The following C1QL4 variants were observed in gnomAD, a reference collection of about 807,000 sequenced individuals.
C1QL4 encodes complement C1q-like protein 4.
In C1QL4, 5 loss-of-function variants were observed where a neutral mutation model predicts 13.4. The ratio of observed to expected loss-of-function variants is 0.37; its 90% confidence interval spans 0.19 to 0.78. C1QL4 has a LOEUF of 0.78. Ranked by LOEUF, C1QL4 falls within the 30% of genes least tolerant of loss-of-function variation. The probability of loss-of-function intolerance (pLI) is 0.47; values close to 1 mark genes in which losing one functional copy is unlikely to be tolerated. For synonymous variants in C1QL4, 168 were observed against 153.9 expected (o/e 1.09, Z -0.68); for missense variants, 367 against 361.6 (o/e 1.01, Z -0.12).
intron 1 of C1QL4, among the ~76,000 whole-genome samples, chr12:49,334,198 T>TAAATA (rs1323125406): frequency 6.6e-6 from 1 of 152,076 alleles, no homozygotes; most frequent in East Asian, 1.9e-4. Context: ...TCTCAAAAAA[T>TAAATA]AAATAAAATA....
At chr12:49,335,812 G>C (rs758107364) in intron 1 of C1QL4, 129 bp downstream of exon 1, 11 of 1,196,478 alleles carry the variant, frequency 9.2e-6, no homozygotes, top group African/African-American at 1.5e-5. Context: ...GTCATCTATC[G>C]TTCTTGGCAG....
intron 1 of C1QL4, among the ~76,000 whole-genome samples, chr12:49,334,361 C>T (rs1006509701): frequency 2.0e-5 from 3 of 152,146 alleles, no homozygotes; most frequent in Non-Finnish European, 4.4e-5. Flanking sequence ...TGCACTGTTG[C>T]GCTCTCGCCT....
chr12:49,336,700 CGCTCCCCAA>C lies in C1QL4; in HGVS notation c.-232_-224del. ...CTGCGGGCTCCAGCCGCGGCGGTGC[CGCTCCCCAA>C]GCCGTCCGTCAAGGGGAGGCCCCTC... On this transcript the variant is annotated 5_prime_UTR_variant, in exon 1 of 2. Coordinates refer to ENST00000334221, the MANE Select transcript of C1QL4 (RefSeq NM_001008223.2). This position sits in a 1 kb window ranked among gnomAD's most constrained non-coding sequence, Gnocchi z 7.7. The C allele has an allele frequency of 2.0e-6, 1 of 507,518 alleles. No homozygotes were observed. The highest frequency in any genetic ancestry group is 3.3e-6 in the Non-Finnish European group (1 of 301,498). 31.4% of individuals were successfully genotyped at this position (507,518 alleles called of 1,614,324 possible).
In C1QL4 at chr12:49,332,934, C is replaced by A; in HGVS notation, c.*120G>T. On this transcript the variant is annotated 3_prime_UTR_variant, in exon 2 of 2. Transcript: ENST00000334221. ...CGCCCATTTAGGCCGCCTCCGGGAA[C>A]GGAAGGGTCCACCCCACCGCCAGGC... The A allele has an allele frequency of 9.2e-7, 1 of 1,091,252 alleles. No individual in the cohort carries two copies. Among genetic ancestry groups the A allele is most frequent in the South Asian group, 1.6e-5 (1 of 61,088 alleles). The allele number at this position is 1,091,252 out of a possible 1,614,324, so 67.6% of individuals were successfully genotyped here.
Position 49,336,415 on chromosome 12 carries a change from G to A in C1QL4, c.63C>T (p.His21=). The change falls in exon 1 of 2, where the codon CAC becomes CAT. Residue 21 remains histidine (H), a synonymous_variant. Transcript: ENST00000334221. This position sits in a 1 kb window ranked among gnomAD's most constrained non-coding sequence, Gnocchi z 7.7. The part of the protein sequence containing the change: ...LLVHSSRGPA[H]YEMLGRCRMV... The stretch of plus-strand genomic sequence containing the variant: ...TGCGGCAGCGACCCAGCATCTCGTA[G>A]TGCGCTGGCCCGCGGGAGCTGTGCA... 6.5e-7 allele frequency: 1 copy of A among 1,543,924 alleles called. No homozygotes were observed. The highest frequency in any genetic ancestry group is 8.6e-7 in the Non-Finnish European group (1 of 1,159,078).
At chr12:49,334,481 G>C (rs897521042) in intron 1 of C1QL4, among the ~76,000 whole-genome samples, 1 of 152,194 alleles carries the variant, frequency 6.6e-6, no homozygotes, top group African/African-American at 2.4e-5. Flanking sequence ...CGGTCGCTTC[G>C]GGCCTTCAGC....
rs1352919905 is a variant in C1QL4, at chr12:49,336,700, C to G, written c.-223G>C. On this transcript the variant is annotated 5_prime_UTR_variant, in exon 1 of 2. Coordinates refer to ENST00000334221, the MANE Select transcript of C1QL4 (RefSeq NM_001008223.2). The surrounding 1 kb of genome is among the most constrained non-coding windows in gnomAD (Gnocchi z 7.7). ...CTGCGGGCTCCAGCCGCGGCGGTGC[C>G]GCTCCCCAAGCCGTCCGTCAAGGGG... The G allele has an allele frequency of 3.9e-6, 2 of 507,518 alleles. No individual in the cohort carries two copies. The highest frequency in any genetic ancestry group is 2.0e-5 in the African/African-American group (1 of 49,432). The allele number at this position is 507,518 out of a possible 1,614,324, so 31.4% of individuals were successfully genotyped here. A position where few individuals can be genotyped will look rare whatever the true frequency, so the allele number is the denominator to read the frequency against.
chr12:49,336,454 G>T lies in C1QL4; in HGVS notation c.24C>A (p.Ala8=). The T allele has an allele frequency of 6.5e-7, 1 of 1,548,714 alleles. No homozygotes were observed. The change falls in exon 1 of 2, where the codon GCC becomes GCA. Residue 8 remains alanine, a synonymous_variant. Transcript: ENST00000334221. The surrounding 1 kb of genome is among the most constrained non-coding windows in gnomAD (Gnocchi z 7.7). MVLLLLV[A]IPLLVHSSRG... The stretch of plus-strand genomic sequence containing the variant: ...GGGAGCTGTGCACCAGCAGCGGGAT[G>T]GCCACCAGCAGCAGCAGCACCATGG...
Position 49,336,560 on chromosome 12 carries a change from T to C in C1QL4, c.-83A>G. 2 of 1,356,896 alleles carry C rather than the reference T, an allele frequency of 1.5e-6. No individual in the cohort carries two copies. Among genetic ancestry groups the C allele is most frequent in the Non-Finnish European group, 1.9e-6 (2 of 1,054,906 alleles). The allele number at this position is 1,356,896 out of a possible 1,614,324, so 84.1% of individuals were successfully genotyped here. A position where few individuals can be genotyped will look rare whatever the true frequency, so the allele number is the denominator to read the frequency against. On this transcript the variant is annotated 5_prime_UTR_variant, in exon 1 of 2. Coordinates refer to ENST00000334221, the MANE Select transcript of C1QL4 (RefSeq NM_001008223.2). The surrounding 1 kb of genome is among the most constrained non-coding windows in gnomAD (Gnocchi z 7.7). ...CAGGGCCAGCAAATCTTCCTCACTC[T>C]TGGGCGCAATGGCTGCCGGGGCCGG... is the stretch of plus-strand genomic sequence containing the variant.
chr12:49,333,301 TGGGCGTGCGA>T, intron 1 of C1QL4, 68 bp from the exon 2 acceptor site: 1 of 1,511,328 alleles, frequency 6.6e-7, no homozygotes, highest in Non-Finnish European at 8.9e-7. Context: ...TCGGGGCGGC[TGGGCGTGCGA>T]AGGCGGCCGG....
chr12:49,334,569 C>G (rs150943630), intron 1 of C1QL4, among the ~76,000 whole-genome samples: 1 of 152,138 alleles, frequency 6.6e-6, no homozygotes, highest in African/African-American at 2.4e-5. Context: ...CACTATTTAC[C>G]GTCCCCAGGG....
chr12:49,336,365 C>T lies in C1QL4; in HGVS notation c.113G>A (p.Arg38His), dbSNP rs1311415289. The T allele has an allele frequency of 2.1e-6, 3 of 1,453,406 alleles. No individual in the cohort carries two copies. Among genetic ancestry groups the T allele is most frequent in the South Asian group, 1.4e-5 (1 of 70,030 alleles). The allele number at this position is 1,453,406 out of a possible 1,614,324, so 90.0% of individuals were successfully genotyped here. The change falls in exon 1 of 2, where the codon CGT (arginine) becomes CAT (histidine). Residue 38 changes from arginine (R) to histidine (H), a missense_variant. Coordinates refer to ENST00000334221, the MANE Select transcript of C1QL4 (RefSeq NM_001008223.2). This position sits in a 1 kb window ranked among gnomAD's most constrained non-coding sequence, Gnocchi z 7.7. ...AGGCGCGCCGTCGGGACCAGGGCCA[C>T]GGGGCCCATGCGGGTCGCACACCAT... ...CRMVCDPHGP[R>H]GPGPDGAPAS... is the part of the protein sequence containing the mutation.
intron 1 of C1QL4, among the ~76,000 whole-genome samples, chr12:49,334,769 C>T (rs1456657869): frequency 2.6e-5 from 4 of 152,182 alleles, no homozygotes; most frequent in Admixed American, 6.5e-5. Flanking sequence ...TCCGCACTCA[C>T]ACACACTCCC....
Position 49,333,217 on chromosome 12 carries a change from A to C in C1QL4, c.554T>G (p.Ile185Ser). The change falls in exon 2 of 2, where the codon ATT becomes AGT. Residue 185 changes from isoleucine to serine, a missense_variant. Coordinates refer to ENST00000334221, the MANE Select transcript of C1QL4 (RefSeq NM_001008223.2). Reference protein sequence around the residue: ...MKNGQVRASAIAQDADQNYDY... With the variant: ...MKNGQVRASASAQDADQNYDY... ...GTAGTTCTGGTCCGCGTCCTGAGCA[A>C]TGGCGCTGGCCCGGACCTATCGAGG... 2 of 1,613,888 alleles carry C rather than the reference A, an allele frequency of 1.2e-6. No homozygotes were observed. The highest frequency in any genetic ancestry group is 1.7e-6 in the Non-Finnish European group (2 of 1,179,906).
rs1262824118 is a variant in C1QL4 at position 49,332,564 on chromosome 12, G to C, written c.*490C>G. 1 of 162,680 alleles carries C rather than the reference G, an allele frequency of 6.1e-6. No homozygotes were observed. The highest frequency in any genetic ancestry group is 1.4e-5 in the Non-Finnish European group (1 of 73,468). 10.1% of individuals were successfully genotyped at this position (162,680 alleles called of 1,614,324 possible). A position where few individuals can be genotyped will look rare whatever the true frequency, so the allele number is the denominator to read the frequency against. On this transcript the variant is annotated 3_prime_UTR_variant, in exon 2 of 2. Transcript: ENST00000334221. ...TCACAGGAAGGCTGCCAAGGCTGGA[G>C]CCTGAGCCTGAAAGTGGAGACGAGG...
intron 1 of C1QL4, among the ~76,000 whole-genome samples, chr12:49,334,833 C>T (rs532905793): frequency 1.3e-4 from 20 of 152,312 alleles, no homozygotes; most frequent in South Asian, 4.2e-4. Context: ...ACTCCCTTTC[C>T]CCGGGTTCCT....
chr12:49,335,858 G>T (rs968615925), intron 1 of C1QL4, 83 bp downstream of exon 1: 2 of 1,477,018 alleles, frequency 1.4e-6, no homozygotes, highest in East Asian at 2.5e-5. Flanking sequence ...CTGTTTCGGG[G>T]AATAATCTCA....
Position 49,333,001 on chromosome 12 carries a change from G to T in C1QL4, c.*53C>A, listed in dbSNP as rs1245221821. The T allele has an allele frequency of 3.3e-6, 5 of 1,521,370 alleles. No homozygotes were observed. In the African/African-American group the frequency reaches 6.8e-5, roughly 21 times the overall value. The allele number at this position is 1,521,370 out of a possible 1,614,324, so 94.2% of individuals were successfully genotyped here. ...GGCGCCTCGGGTGGGGCGGGCAGGA[G>T]GTGGGTGAGGACGGGAGAGAAGGGG... On this transcript the variant is annotated 3_prime_UTR_variant, in exon 2 of 2. Coordinates refer to ENST00000334221, the MANE Select transcript of C1QL4 (RefSeq NM_001008223.2).
Position 49,336,338 on chromosome 12 carries a change from G to A in C1QL4, c.140C>T (p.Ala47Val). 7.0e-7 allele frequency: 1 copy of A among 1,425,738 alleles called. No homozygotes were observed. The highest frequency in any genetic ancestry group is 9.1e-7 in the Non-Finnish European group (1 of 1,099,782). The allele number at this position is 1,425,738 out of a possible 1,614,324, so 88.3% of individuals were successfully genotyped here. A position where few individuals can be genotyped will look rare whatever the true frequency, so the allele number is the denominator to read the frequency against. Residue 47 changes from alanine to valine, a missense_variant, in exon 1 of 2, where the codon GCT becomes GTT. Coordinates refer to ENST00000334221, the MANE Select transcript of C1QL4 (RefSeq NM_001008223.2). The surrounding 1 kb of genome is among the most constrained non-coding windows in gnomAD (Gnocchi z 7.7). ...GCCTGGCGGGAAGGGGGGCACGGAA[G>A]CAGGCGCGCCGTCGGGACCAGGGCC... ...PRGPGPDGAP[A>V]SVPPFPPGAK... is the part of the protein sequence containing the mutation.
Sources: allele counts gnomAD v4.1 joint callset (sites outside exome capture counted in the v4.1 genomes callset), GRCh38; gene constraint gnomAD v4.1.1; non-coding constraint Gnocchi (gnomAD v3.1); transcripts MANE v1.5; gene names NCBI Gene and HGNC (gene_info 2026-07-23, HGNC 2026-07-21).